The following AGBL1 variants were observed in gnomAD, a reference collection of about 807,000 sequenced individuals.
AGBL1 encodes the protein cytosolic carboxypeptidase 4.
Under a neutral mutation model 118.9 loss-of-function variants are expected in AGBL1, and 130 were observed. The observed-to-expected ratio is 1.09, with a 90% CI of 0.95 to 1.26. AGBL1 has a LOEUF of 1.26. Ranked by LOEUF, AGBL1 falls within the 50% of genes most tolerant of loss-of-function variation. The probability of loss-of-function intolerance (pLI) is 0.00; values close to 1 mark genes in which losing one functional copy is unlikely to be tolerated. For missense variants in AGBL1, 1,584 were observed against 1,298.1 expected (o/e 1.22, Z -3.38); for synonymous variants, 555 against 478.9 (o/e 1.16, Z -2.08).
intron 22 of AGBL1, among the ~76,000 whole-genome samples, chr15:86,742,308 T>G (rs2077692247): frequency 6.6e-6 from 1 of 152,106 alleles, no homozygotes; most frequent in Admixed American, 6.6e-5. Flanking sequence ...GAAGATTGAT[T>G]AAAATTAGTT....
rs1318467399 is a variant in AGBL1 at position 86,613,444 on chromosome 15, G to A, written c.2994+58907G>A. Among the ~76,000 whole-genome samples, 1 of 152,186 alleles carries A rather than the reference G, an allele frequency of 6.6e-6. No homozygotes were observed. The highest frequency in any genetic ancestry group is 1.9e-4 in the East Asian group (1 of 5,194). On this transcript the variant is annotated intron_variant, in intron 21 of 22. Coordinates refer to ENST00000614907, the MANE Select transcript of AGBL1 (RefSeq NM_001386094.1). The surrounding 1 kb of genome is among the most constrained non-coding windows in gnomAD (Gnocchi z 4.2). ...AGCTGCTTAGCCAGATGAGTGGCAGGAGGAGCTGTGGGCATTTAGCTCAGA... is the reference window on the plus strand; with the variant it reads ...AGCTGCTTAGCCAGATGAGTGGCAGAAGGAGCTGTGGGCATTTAGCTCAGA...
At chr15:86,358,664 C>T (rs1596011621) in intron 17 of AGBL1, among the ~76,000 whole-genome samples, 1 of 151,980 alleles carries the variant, frequency 6.6e-6, no homozygotes, top group African/African-American at 2.4e-5. Context: ...CAAGGGGTCC[C>T]TTTTCTCCAC....
intron 18 of AGBL1, among the ~76,000 whole-genome samples, chr15:86,506,984 G>A (rs1035361029): frequency 2.2e-4 from 34 of 151,944 alleles, no homozygotes; most frequent in African/African-American, 7.0e-4. Flanking sequence ...AGCTTGAAGT[G>A]TATATTTTAG....
At chr15:86,845,590 T>C (rs2079306708) in intron 22 of AGBL1, among the ~76,000 whole-genome samples, 1 of 152,192 alleles carries the variant, frequency 6.6e-6, no homozygotes, top group African/African-American at 2.4e-5. Flanking sequence ...ACAGTGATAC[T>C]GGCCCCATAT....
At chr15:86,428,476 T>C (rs2142034803) in intron 18 of AGBL1, among the ~76,000 whole-genome samples, 1 of 152,372 alleles carries the variant, frequency 6.6e-6, no homozygotes, top group East Asian at 1.9e-4. Context: ...TTAACTTCCA[T>C]AATCAGAAAT....
chr15:86,146,580 C>A (rs1304418175), intron 3 of AGBL1, among the ~76,000 whole-genome samples: 2 of 152,130 alleles, frequency 1.3e-5, no homozygotes, highest in Admixed American at 1.3e-4. Flanking sequence ...AAACTAGGGT[C>A]ATACAGGTTT....
At chr15:86,323,309 A>G (rs981499296) in intron 17 of AGBL1, among the ~76,000 whole-genome samples, 7 of 152,126 alleles carry the variant, frequency 4.6e-5, no homozygotes, top group African/African-American at 1.4e-4. Context: ...TGTGGGGATC[A>G]GGAAAATAAT....
chr15:86,211,227 C>G (rs928219643), intron 5 of AGBL1, among the ~76,000 whole-genome samples: 2 of 152,204 alleles, frequency 1.3e-5, no homozygotes, highest in Admixed American at 1.3e-4. Flanking sequence ...CATAGGGGCA[C>G]CCACCTATAT....
chr15:86,522,131 C>T (rs147286794), intron 18 of AGBL1, among the ~76,000 whole-genome samples: 5 of 152,220 alleles, frequency 3.3e-5, no homozygotes, highest in African/African-American at 4.8e-5. Flanking sequence ...CTTTTGAATA[C>T]GAACATCATC....
chr15:86,457,892 GC>G (rs2082280407), intron 18 of AGBL1, among the ~76,000 whole-genome samples: 1 of 152,286 alleles, frequency 6.6e-6, no homozygotes, highest in East Asian at 1.9e-4. Context: ...ATTAGTGAGT[GC>G]CCCCGATTCT....
chr15:86,140,123 C>G (rs1335051462), intron 1 of AGBL1: 1 of 169,902 alleles, frequency 5.9e-6, no homozygotes, highest in African/African-American at 2.4e-5. Context: ...ATAGCGCAGT[C>G]AGATGCCAAG....
Position 86,257,019 on chromosome 15 carries a change from G to A in AGBL1, c.901+1G>A. On this transcript the variant is annotated splice_donor_variant, in intron 8 of 22. Coordinates refer to ENST00000614907, the MANE Select transcript of AGBL1 (RefSeq NM_001386094.1). LOFTEE classifies it high-confidence loss of function. Reference sequence around the variant, plus strand: ...GAACCTCCACATGATCTACCTGAAGGTAAAATAAGTTGGTAACTATGACCT... The same window carrying A: ...GAACCTCCACATGATCTACCTGAAGATAAAATAAGTTGGTAACTATGACCT... 1 of 1,612,798 alleles carries A rather than the reference G, an allele frequency of 6.2e-7. No homozygotes were observed. Among genetic ancestry groups the A allele is most frequent in the Non-Finnish European group, 8.5e-7 (1 of 1,179,352 alleles).
At chr15:86,289,032 A>G (rs1183155907) in intron 16 of AGBL1, among the ~76,000 whole-genome samples, 1 of 152,138 alleles carries the variant, frequency 6.6e-6, no homozygotes, top group Non-Finnish European at 1.5e-5. Flanking sequence ...TTATGCTTTT[A>G]GTTTCAATAT....
In AGBL1 at chr15:86,870,005, T is replaced by A. The variant is rs573100941; in HGVS notation, c.3159-37082T>A. On this transcript the variant is annotated intron_variant, in intron 22 of 22. Coordinates refer to ENST00000614907, the MANE Select transcript of AGBL1 (RefSeq NM_001386094.1). ...AAGTTTCCATTTTGAAACCATTGCA[T>A]CAAAGTCATATCTCCCTCCTTCCTT... Among the ~76,000 whole-genome samples, 3 of 152,282 alleles carry A rather than the reference T, an allele frequency of 2.0e-5. No individual in the cohort carries two copies. In the South Asian group the frequency reaches 6.2e-4, roughly 32 times the overall value.
chr15:86,301,087 T>TTTCC (rs1322805430), intron 17 of AGBL1, among the ~76,000 whole-genome samples: 3 of 152,162 alleles, frequency 2.0e-5, no homozygotes, highest in African/African-American at 7.2e-5. Flanking sequence ...AGAACAGAGC[T>TTTCC]TTCCGTTGGG....
chr15:86,252,642 G>A (rs1188215299), intron 7 of AGBL1, among the ~76,000 whole-genome samples: 1 of 152,156 alleles, frequency 6.6e-6, no homozygotes, highest in Admixed American at 6.6e-5. Context: ...CCTCCATGAA[G>A]GCACCCACAT....
intron 5 of AGBL1, among the ~76,000 whole-genome samples, chr15:86,196,894 C>CACACACACACACAA (rs2077821092): frequency 6.7e-6 from 1 of 150,296 alleles, no homozygotes; most frequent in Non-Finnish European, 1.5e-5. Context: ...CACACACACA[C>CACACACACACACAA]ACACACACAC....
chr15:86,617,669 T>C (rs1350478619), intron 21 of AGBL1, among the ~76,000 whole-genome samples: 1 of 152,054 alleles, frequency 6.6e-6, no homozygotes, highest in African/African-American at 2.4e-5. Context: ...GTGACATAAG[T>C]ATATAATATA....
chr15:86,821,619 T>TA (rs2078944756), intron 22 of AGBL1, among the ~76,000 whole-genome samples: 1 of 152,220 alleles, frequency 6.6e-6, no homozygotes, highest in Admixed American at 6.5e-5. Flanking sequence ...CCTTTTTATG[T>TA]AATGGCCATA....
Sources: allele counts gnomAD v4.1 joint callset (sites outside exome capture counted in the v4.1 genomes callset), GRCh38; gene constraint gnomAD v4.1.1; non-coding constraint Gnocchi (gnomAD v3.1); transcripts MANE v1.5; gene names NCBI Gene and HGNC (gene_info 2026-07-23, HGNC 2026-07-21).